PAPPA2: variants seen among roughly 807,000 people sequenced by gnomAD.
The protein encoded by PAPPA2 is pappalysin 2, also known as pappalysin-2.
In PAPPA2, 86 loss-of-function variants were observed where a neutral mutation model predicts 176.4. The ratio of observed to expected loss-of-function variants is 0.49; its 90% CI spans 0.41 to 0.58. PAPPA2 has a LOEUF of 0.58. Ranked by LOEUF, PAPPA2 falls within the 20% of genes least tolerant of loss-of-function variation. The probability of loss-of-function intolerance (pLI) is 0.00; values close to 1 mark genes in which losing one functional copy is unlikely to be tolerated. For synonymous variants in PAPPA2, 809 were observed against 852.2 expected, an observed-to-expected ratio of 0.95 and a Z score of 0.88; for missense variants, 2,073 against 2,256.9, an observed-to-expected ratio of 0.92 and a Z score of 1.65.
chr1:176,794,503 A>AAAATAAAG (rs1665336867), intron 20 of PAPPA2, among the ~76,000 whole-genome samples: 1 of 152,192 alleles, frequency 6.6e-6, no homozygotes, highest in African/African-American at 2.4e-5. Context: ...ATCTCCATGC[A>AAAATAAAG]AAATAAAGAA....
chr1:176,557,133 C>G lies in PAPPA2; in HGVS notation c.811C>G (p.Arg271Gly). 6.2e-7 allele frequency: 1 copy of G among 1,613,804 alleles called. No homozygotes were observed. The highest frequency in any genetic ancestry group is 8.5e-7 in the Non-Finnish European group (1 of 1,179,982). ...PILYFSGRRE[R>G]LLLRPEVLAE... is the part of the protein sequence containing the mutation. ...CTTATACTTCTCTGGGAGGCGGGAG[C>G]GGCTGCTGCTGCGTCCAGAAGTGCT... Residue 271 changes from arginine (R) to glycine (G), a missense_variant, in exon 2 of 23, where the codon CGG becomes GGG. By Grantham distance (125) the Arg-to-Gly change is moderately radical (BLOSUM62 -2). Coordinates refer to ENST00000367662, the MANE Select transcript of PAPPA2 (RefSeq NM_020318.3).
intron 1 of PAPPA2, among the ~76,000 whole-genome samples, chr1:176,494,593 T>A (rs1423211549): frequency 1.3e-5 from 2 of 152,162 alleles, no homozygotes; most frequent in East Asian, 3.8e-4. Context: ...CTTACTGACG[T>A]CAATGCAAGC....
At chr1:176,566,419 C>T (rs1454270508) in intron 2 of PAPPA2, among the ~76,000 whole-genome samples, 1 of 152,174 alleles carries the variant, frequency 6.6e-6, no homozygotes, top group East Asian at 1.9e-4. Flanking sequence ...TTTTCATTTA[C>T]TGTAAAAGAT....
chr1:176,771,133 C>T lies in PAPPA2; in HGVS notation c.4668C>T (p.Cys1556=). The T allele has an allele frequency of 6.2e-7, 1 of 1,614,196 alleles. No homozygotes were observed. The highest frequency in any genetic ancestry group is 8.5e-7 in the Non-Finnish European group (1 of 1,180,030). Residue 1556 remains cysteine (C), a synonymous_variant, in exon 17 of 23, where the codon TGC becomes TGT. Transcript: ENST00000367662. ...TGGGCACCATCTGCAAATATGAATG[C>T]AAACCAGGGTACTATGTGGCAGAAA... is the stretch of plus-strand genomic sequence containing the variant. ...HDVGTICKYE[C]KPGYYVAESA...
intron 4 of PAPPA2, among the ~76,000 whole-genome samples, chr1:176,676,384 A>G (rs141349552): frequency 4.0e-4 from 61 of 152,176 alleles, no homozygotes; most frequent in Admixed American, 6.6e-4. Flanking sequence ...ACATCGACAC[A>G]ATGAAATACT....
intron 2 of PAPPA2, among the ~76,000 whole-genome samples, chr1:176,590,292 C>T (rs907264406): frequency 1.3e-5 from 2 of 152,152 alleles, no homozygotes; most frequent in African/African-American, 4.8e-5. Flanking sequence ...TCATCAGAGC[C>T]AATTGTACCC....
intron 1 of PAPPA2, among the ~76,000 whole-genome samples, chr1:176,483,627 C>A (rs368064618): frequency 6.6e-6 from 1 of 151,956 alleles, no homozygotes. Context: ...CCTGCCACCA[C>A]GCCCAGCTAA....
chr1:176,572,452 T>G (rs1652406124), intron 2 of PAPPA2, among the ~76,000 whole-genome samples: 1 of 152,096 alleles, frequency 6.6e-6, no homozygotes, highest in Non-Finnish European at 1.5e-5. Flanking sequence ...TCCTCTAGTT[T>G]CCTCTCAGAC....
intron 5 of PAPPA2, 189 bp downstream of exon 5, chr1:176,690,619 T>C: frequency 7.2e-7 from 1 of 1,396,102 alleles, no homozygotes; most frequent in Non-Finnish European, 9.3e-7. Context: ...AATACTGACA[T>C]ATTAAGGTAC....
intron 1 of PAPPA2, among the ~76,000 whole-genome samples, chr1:176,551,597 C>T (rs1573028263): frequency 3.3e-5 from 5 of 152,134 alleles, no homozygotes; most frequent in Admixed American, 2.6e-4. Context: ...TGTGCAAAGA[C>T]TCTTAATAAT....
intron 3 of PAPPA2, among the ~76,000 whole-genome samples, chr1:176,618,178 A>T (rs1360249428): frequency 6.6e-6 from 1 of 152,166 alleles, no homozygotes; most frequent in Non-Finnish European, 1.5e-5. Flanking sequence ...TAGTTTTTCC[A>T]CTTTGGAATG....
intron 21 of PAPPA2, among the ~76,000 whole-genome samples, chr1:176,821,224 T>C (rs1666651720): frequency 6.6e-6 from 1 of 152,010 alleles, no homozygotes; most frequent in African/African-American, 2.4e-5. Flanking sequence ...ACAATAGAGA[T>C]AAAAAATATC....
chr1:176,723,631 C>A lies in PAPPA2; in HGVS notation c.3798+11650C>A, dbSNP rs138983412. ...TGCAAGTGAGAAACAATGATAGTGG[C>A]AAACATTAGTCTTGAAAATATCTTC... On this transcript the variant is annotated intron_variant, in intron 12 of 22. Coordinates refer to ENST00000367662, the MANE Select transcript of PAPPA2 (RefSeq NM_020318.3). 8.6e-3 allele frequency among the ~76,000 whole-genome samples: 1,308 copies of A among 152,008 alleles called. 24 individuals carry two copies. The highest frequency in any genetic ancestry group is 0.029 in the African/African-American group (1,189 of 41,494).
chr1:176,612,114 C>T (rs777156439), intron 3 of PAPPA2, among the ~76,000 whole-genome samples: 21 of 152,042 alleles, frequency 1.4e-4, no homozygotes, highest in Non-Finnish European at 4.4e-5. Context: ...AAAAGACTGG[C>T]CAGTTGTGGT....
chr1:176,581,089 G>A (rs1024100638), intron 2 of PAPPA2, among the ~76,000 whole-genome samples: 12 of 151,990 alleles, frequency 7.9e-5, no homozygotes, highest in East Asian at 5.8e-4. Context: ...CAGCTTTGTC[G>A]TTTTGTGTCT....
chr1:176,680,756 G>A (rs746403082), intron 4 of PAPPA2, among the ~76,000 whole-genome samples: 6 of 152,190 alleles, frequency 3.9e-5, no homozygotes, highest in Non-Finnish European at 7.3e-5. Context: ...CTTGGGAAAT[G>A]TGTATTTTAA....
At chr1:176,545,717 T>A (rs1397918716) in intron 1 of PAPPA2, among the ~76,000 whole-genome samples, 1 of 152,234 alleles carries the variant, frequency 6.6e-6, no homozygotes, top group Non-Finnish European at 1.5e-5. Flanking sequence ...AACTGAGGGA[T>A]GACCATGCAT....
intron 4 of PAPPA2, among the ~76,000 whole-genome samples, chr1:176,685,228 T>C (rs1659782510): frequency 6.6e-6 from 1 of 152,332 alleles, no homozygotes; most frequent in South Asian, 2.1e-4. Context: ...TTCTGGGAAA[T>C]AAGCTAAATG....
At chr1:176,765,564 T>G in intron 14 of PAPPA2, 102 bp from the exon 15 acceptor site, 3 of 1,124,830 alleles carry the variant, frequency 2.7e-6, no homozygotes, top group Non-Finnish European at 3.8e-6. Flanking sequence ...AGAAAATTGT[T>G]CTCTCTGGTT....
Sources: allele counts gnomAD v4.1 joint callset (sites outside exome capture counted in the v4.1 genomes callset), GRCh38; gene constraint gnomAD v4.1.1; transcripts MANE v1.5; gene names NCBI Gene and HGNC (gene_info 2026-07-23, HGNC 2026-07-21).